Variants in NFKB1 observed in about 807,000 individuals in gnomAD.
NFKB1 encodes nuclear factor NF-kappa-B p105 subunit.
In NFKB1, 9 loss-of-function variants were observed where a neutral mutation model predicts 105.1. That is an observed-to-expected ratio of 0.09 (90% CI 0.05 to 0.15). The LOEUF (loss-of-function observed/expected upper bound fraction) is 0.15, where lower values mean the gene tolerates loss of function less well. NFKB1 is among the 10% of genes least tolerant of loss of function. The pLI is 1.00. For missense variants in NFKB1, 830 were observed against 1,203.7 expected, an observed-to-expected ratio of 0.69 and a Z score of 4.59; for synonymous variants, 440 against 442.2, an observed-to-expected ratio of 1.00 and a Z score of 0.06.
Position 102,612,429 on chromosome 4 carries a change from T to C in NFKB1, c.2420-5T>C, listed in dbSNP as rs1167493942. ...ACAAGTGTGTTCCTTCTTCATTTCCTTCAGGAGACATGAAACAGCTGGCTG... is the reference window on the plus strand; with the variant it reads ...ACAAGTGTGTTCCTTCTTCATTTCCCTCAGGAGACATGAAACAGCTGGCTG... On this transcript the variant is annotated splice_region_variant and splice_polypyrimidine_tract_variant and intron_variant, in intron 21 of 23. Transcript: ENST00000226574. 6.2e-7 allele frequency: 1 copy of C among 1,611,674 alleles called. No individual in the cohort carries two copies. Among genetic ancestry groups the C allele is most frequent in the Non-Finnish European group, 8.5e-7 (1 of 1,179,760 alleles).
chr4:102,605,387 AC>A (rs1328204399), intron 16 of NFKB1, among the ~76,000 whole-genome samples: 1 of 152,212 alleles, frequency 6.6e-6, no homozygotes, highest in Non-Finnish European at 1.5e-5. Flanking sequence ...GGTCACCTAC[AC>A]AGCTAGGAGG....
At chr4:102,608,811 G>C (rs918437032) in intron 19 of NFKB1, among the ~76,000 whole-genome samples, 1 of 152,182 alleles carries the variant, frequency 6.6e-6, no homozygotes, top group South Asian at 2.1e-4. Flanking sequence ...ATTGCAGTGG[G>C]TATTAATAGT....
intron 2 of NFKB1, 87 bp from the exon 3 acceptor site, chr4:102,529,749 T>TA (rs1553928974): frequency 1.1e-6 from 1 of 917,196 alleles, no homozygotes; most frequent in African/African-American, 1.7e-5. Context: ...TCATTCCTAT[T>TA]ATTACATTTT....
intron 1 of NFKB1, among the ~76,000 whole-genome samples, chr4:102,525,166 T>C (rs1211358595): frequency 2.0e-5 from 3 of 152,178 alleles, no homozygotes; most frequent in Admixed American, 1.3e-4. Context: ...TCGTTGAAGT[T>C]CAGAGGGCGA....
chr4:102,574,008 A>G (rs866089845), intron 6 of NFKB1, among the ~76,000 whole-genome samples: 1 of 145,360 alleles, frequency 6.9e-6, no homozygotes, highest in Non-Finnish European at 1.5e-5. Context: ...TTCTGGATCT[A>G]TTTTTGTTTA....
chr4:102,604,567 T>G (rs1727521252), intron 16 of NFKB1, among the ~76,000 whole-genome samples: 1 of 152,058 alleles, frequency 6.6e-6, no homozygotes, highest in African/African-American at 2.4e-5. Flanking sequence ...TGCTACATGT[T>G]ACTGTATTTC....
At chr4:102,583,203 C>A (rs996649816) in intron 10 of NFKB1, among the ~76,000 whole-genome samples, 2 of 152,108 alleles carry the variant, frequency 1.3e-5, no homozygotes, top group Non-Finnish European at 2.9e-5. Flanking sequence ...TCAGGCTCGT[C>A]TTGAACTCCT....
intron 7 of NFKB1, chr4:102,577,889 TAC>T: frequency 1.0e-6 from 1 of 985,396 alleles, no homozygotes; most frequent in Non-Finnish European, 1.2e-6. Flanking sequence ...TAATCAAGTT[TAC>T]ATCTTGTAGC....
At position 102,579,052 on chromosome 4, in the gene NFKB1, C is replaced by T. The variant is rs2149184873; in HGVS notation, c.730+13C>T. 1.9e-6 allele frequency: 3 copies of T among 1,608,800 alleles called. No homozygotes were observed. The highest frequency in any genetic ancestry group is 2.6e-6 in the Non-Finnish European group (3 of 1,176,236). ...ATCTATGACAGTAGTGAGTACTTCACTTCCAACAGGGGGCACACCAAGAAT... is the reference window on the plus strand; with the variant it reads ...ATCTATGACAGTAGTGAGTACTTCATTTCCAACAGGGGGCACACCAAGAAT... On this transcript the variant is annotated intron_variant, in intron 8 of 23. Coordinates refer to ENST00000226574, the MANE Select transcript of NFKB1 (RefSeq NM_003998.4).
At position 102,537,627 on chromosome 4, in the gene NFKB1, A is replaced by G. The variant is rs1199578028; in HGVS notation, c.160-231A>G. Reference sequence around the variant, plus strand: ...ATAGCATGAGAGGTTCCATGGGCTTAGGTACCTGGCTTTTTAGCCATATCT... The same window carrying G: ...ATAGCATGAGAGGTTCCATGGGCTTGGGTACCTGGCTTTTTAGCCATATCT... On this transcript the variant is annotated intron_variant, in intron 4 of 23. Transcript: ENST00000226574. The G allele has an allele frequency of 2.9e-5, 11 of 375,030 alleles. No individual in the cohort carries two copies. In the Admixed American group the frequency reaches 4.1e-4, roughly 14 times the overall value. 23.2% of individuals were successfully genotyped at this position (375,030 alleles called of 1,614,324 possible). A position where few individuals can be genotyped will look rare whatever the true frequency, so the allele number is the denominator to read the frequency against.
At chr4:102,604,985 A>AG (rs397715232) in intron 16 of NFKB1, among the ~76,000 whole-genome samples, 3 of 151,132 alleles carry the variant, frequency 2.0e-5, no homozygotes, top group African/African-American at 7.3e-5. Flanking sequence ...AAAAAAAAAA[A>AG]CCTCTCCGAC....
chr4:102,510,449 T>C (rs1163550483), intron 1 of NFKB1, among the ~76,000 whole-genome samples: 1 of 152,222 alleles, frequency 6.6e-6, no homozygotes, highest in African/African-American at 2.4e-5. Context: ...AATGAGCATC[T>C]CTCTCTAAAA....
At chr4:102,523,749 AGC>A (rs1408790256) in intron 1 of NFKB1, among the ~76,000 whole-genome samples, 1 of 152,136 alleles carries the variant, frequency 6.6e-6, no homozygotes, top group African/African-American at 2.4e-5. Context: ...TTTTGGTAGA[AGC>A]CAGGTCTTCT....
At chr4:102,532,077 A>G (rs1741326123) in intron 3 of NFKB1, among the ~76,000 whole-genome samples, 2 of 152,156 alleles carry the variant, frequency 1.3e-5, no homozygotes, top group Non-Finnish European at 2.9e-5. Flanking sequence ...TTGGTGGGGG[A>G]ATTTTTAAAT....
At chr4:102,577,152 C>A in intron 7 of NFKB1, 113 bp downstream of exon 7, 1 of 1,110,828 alleles carries the variant, frequency 9.0e-7, no homozygotes, top group East Asian at 2.5e-5. Flanking sequence ...ACACTGCTGT[C>A]ACCTTTTCCT....
intron 5 of NFKB1, among the ~76,000 whole-genome samples, chr4:102,542,204 C>T (rs1397847581): frequency 3.3e-5 from 5 of 152,110 alleles, no homozygotes; most frequent in East Asian, 1.9e-4. Flanking sequence ...AACCCTGTTT[C>T]GCATAGGTGT....
rs764715465 is a variant in NFKB1, at chr4:102,525,537, T to C, written c.19T>C (p.Tyr7His). 6.8e-6 allele frequency: 11 copies of C among 1,613,468 alleles called. 1 individual carries two copies. In the South Asian group the frequency reaches 1.2e-4, roughly 18 times the overall value. The change falls in exon 2 of 24, where the codon TAT (tyrosine) becomes CAT (histidine). Residue 7 changes from tyrosine to histidine, a missense_variant. Physicochemically the swap from Tyr to His is moderately conservative, Grantham distance 83. This residue lies in a region of NFKB1 where 46 missense variants were observed against 48.3 expected (regional missense o/e 0.95). Coordinates refer to ENST00000226574, the MANE Select transcript of NFKB1 (RefSeq NM_003998.4). ...CTTCAGAATGGCAGAAGATGATCCA[T>C]ATTTGGGAAGGCCTGAACAAGTAAG... MAEDDP[Y>H]LGRPEQMFHL...
chr4:102,508,774 G>A lies in NFKB1; in HGVS notation c.-8+6986G>A, dbSNP rs143896648. Reference sequence around the variant, plus strand: ...TTGGTCAAAGCAAAGGATAATGAAAGCATAAAGATTTAGGGGGAAGAGTCC... The same window carrying A: ...TTGGTCAAAGCAAAGGATAATGAAAACATAAAGATTTAGGGGGAAGAGTCC... On this transcript the variant is annotated intron_variant, in intron 1 of 23. Transcript: ENST00000226574. 5.3e-3 allele frequency among the ~76,000 whole-genome samples: 814 copies of A among 152,242 alleles called. 5 individuals are homozygous for A. The highest frequency in any genetic ancestry group is 0.016 in the African/African-American group (648 of 41,562).
rs180783087 is a variant in NFKB1 at position 102,598,728 on chromosome 4, G to T, written c.1637+1067G>T. 6.5e-4 allele frequency among the ~76,000 whole-genome samples: 99 copies of T among 152,376 alleles called. 1 individual carries two copies. Among genetic ancestry groups the T allele is most frequent in the African/African-American group, 2.2e-3 (92 of 41,598 alleles). ...AGCAGTTAACCAAGACAGTACAGCA[G>T]TGTTTCAAGTGGCATTTCCAGGGAC... is the stretch of plus-strand genomic sequence containing the variant. On this transcript the variant is annotated intron_variant, in intron 15 of 23. Coordinates refer to ENST00000226574, the MANE Select transcript of NFKB1 (RefSeq NM_003998.4).
Sources: allele counts gnomAD v4.1 joint callset (sites outside exome capture counted in the v4.1 genomes callset), GRCh38; gene constraint gnomAD v4.1.1; regional missense constraint gnomAD v4.1.1; transcripts MANE v1.5; gene names NCBI Gene and HGNC (gene_info 2026-07-23, HGNC 2026-07-21).